The following SSBP4 variants were observed in gnomAD, a reference collection of about 807,000 sequenced individuals.
SSBP4 encodes single-stranded DNA-binding protein 4.
A neutral mutation model predicts 64.6 loss-of-function variants in SSBP4; 33 were observed. The observed-to-expected ratio is 0.51, with a 90% CI of 0.39 to 0.68. The LOEUF (loss-of-function observed/expected upper bound fraction) is 0.68, where lower values mean the gene tolerates loss of function less well. SSBP4 is among the 30% of genes least tolerant of loss of function. The pLI, the probability that SSBP4 is intolerant of heterozygous loss-of-function variation, is 0.00. For synonymous variants in SSBP4, 243 were observed against 224.0 expected, an observed-to-expected ratio of 1.08 and a Z score of -0.76; for missense variants, 583 against 566.8, an observed-to-expected ratio of 1.03 and a Z score of -0.29.
At chr19:18,430,071 G>A (rs961704089) in intron 4 of SSBP4, among the ~76,000 whole-genome samples, 1 of 152,172 alleles carries the variant, frequency 6.6e-6, no homozygotes, top group Non-Finnish European at 1.5e-5. Flanking sequence ...GGCTTGGGCC[G>A]ACCCCAGAGA....
chr19:18,416,762 C>T (rs1227018502), upstream of SSBP4, among the ~76,000 whole-genome samples: 1 of 152,180 alleles, frequency 6.6e-6, no homozygotes, highest in Non-Finnish European at 1.5e-5. Flanking sequence ...TCTTTCAAAT[C>T]CACCCCTCCT....
At position 18,428,231 on chromosome 19, in the gene SSBP4, G is replaced by A. The variant is rs764136675; in HGVS notation, c.279+249G>A. 3.5e-4 allele frequency among the ~76,000 whole-genome samples: 53 copies of A among 152,290 alleles called. 1 individual carries two copies. Among genetic ancestry groups the A allele is most frequent in the Non-Finnish European group, 2.9e-4 (20 of 68,002 alleles). Reference sequence around the variant, plus strand: ...CTCTTTCCACTGCACACACTTCTGAGGGTCCCCACAGCCCTCCCACCCCCA... The same window carrying A: ...CTCTTTCCACTGCACACACTTCTGAAGGTCCCCACAGCCCTCCCACCCCCA... On this transcript the variant is annotated intron_variant, in intron 4 of 17. Coordinates refer to ENST00000270061, the MANE Select transcript of SSBP4 (RefSeq NM_032627.5).
chr19:18,406,336 A>T, the SSBP4 span, among the ~76,000 whole-genome samples: 3 of 150,302 alleles, frequency 2.0e-5, no homozygotes, highest in Non-Finnish European at 4.4e-5. Context: ...TATTACTATT[A>T]TTATTATTAT....
chr19:18,432,612 T>A lies in SSBP4; in HGVS notation c.750+8T>A. 3 of 1,555,992 alleles carry A rather than the reference T, an allele frequency of 1.9e-6. No individual in the cohort carries two copies. Among genetic ancestry groups the A allele is most frequent in the Non-Finnish European group, 2.6e-6 (3 of 1,148,868 alleles). On this transcript the variant is annotated splice_region_variant and intron_variant, in intron 11 of 17. Coordinates refer to ENST00000270061, the MANE Select transcript of SSBP4 (RefSeq NM_032627.5). ...AGCCCCAGTGGAAACTCGGTGAGCC[T>A]ATGGCTGGGTGGGCAGGCTTGGGGT... is the stretch of plus-strand genomic sequence containing the variant.
At chr19:18,422,461 T>A (rs1287494214) in intron 1 of SSBP4, among the ~76,000 whole-genome samples, 1 of 152,118 alleles carries the variant, frequency 6.6e-6, no homozygotes, top group Admixed American at 6.5e-5. Context: ...GGGTCTCGTA[T>A]AAGTGTTGGT....
In SSBP4 at chr19:18,433,035, A is replaced by C. The variant is rs1973579894; in HGVS notation, c.904A>C (p.Arg302=). The C allele has an allele frequency of 6.2e-7, 1 of 1,614,002 alleles. No individual in the cohort carries two copies. Among genetic ancestry groups the C allele is most frequent in the Admixed American group, 1.7e-5 (1 of 60,006 alleles). ...GAACCCCATCGGGCAGGGCGCCGGC[A>C]GGGCTAATGTGAGTGGGGGCTTGCA... is the stretch of plus-strand genomic sequence containing the variant. The part of the protein sequence containing the change: ...IMNPIGQGAG[R]ANFPLGPGPE... Residue 302 remains arginine (R), a synonymous_variant, in exon 14 of 18, where the codon AGG becomes CGG. Transcript: ENST00000270061.
At chr19:18,419,008 T>A, upstream of SSBP4, 2 of 985,590 alleles carry the variant, frequency 2.0e-6, no homozygotes, top group Non-Finnish European at 2.4e-6. Context: ...ACACCCAATG[T>A]CACTGCCTGA....
intron 11 of SSBP4, 42 bp downstream of exon 11, chr19:18,432,646 AGGG>A: frequency 4.1e-6 from 2 of 493,400 alleles, no homozygotes; most frequent in East Asian, 5.2e-5. Flanking sequence ...GTGGGGTGGG[AGGG>A]ACACTGGGTG....
chr19:18,413,447 C>T, the SSBP4 span, among the ~76,000 whole-genome samples: 1 of 152,134 alleles, frequency 6.6e-6, no homozygotes, highest in Non-Finnish European at 1.5e-5. Context: ...CTCCTGACCT[C>T]AGGTGATCCA....
At chr19:18,414,572 G>A (rs1338690351), upstream of SSBP4, among the ~76,000 whole-genome samples, 1 of 152,206 alleles carries the variant, frequency 6.6e-6, no homozygotes, top group African/African-American at 2.4e-5. Flanking sequence ...CAGTTCCCAA[G>A]GGTTAGTATG....
Position 18,427,702 on chromosome 19 carries a change from G to C in SSBP4, c.133-50G>C. ...TTCTCTGGGCACCCTGCTGGGTGGT[G>C]GGGCAGGGTCAGGTAGGGCCACCCC... On this transcript the variant is annotated intron_variant, in intron 2 of 17. Coordinates refer to ENST00000270061, the MANE Select transcript of SSBP4 (RefSeq NM_032627.5). The surrounding 1 kb of genome is among the most constrained non-coding windows in gnomAD (Gnocchi z 4.4). 1.3e-6 allele frequency: 2 copies of C among 1,536,324 alleles called. No homozygotes were observed. Among genetic ancestry groups the C allele is most frequent in the South Asian group, 2.5e-5 (2 of 80,258 alleles).
the SSBP4 span, among the ~76,000 whole-genome samples, chr19:18,413,227 G>A: frequency 1.3e-5 from 2 of 151,426 alleles, no homozygotes; most frequent in Non-Finnish European, 2.9e-5. Flanking sequence ...AGGGTGGGAG[G>A]TTGTAGGTTC....
rs1337588574 is a variant in SSBP4 at position 18,427,333 on chromosome 19, G to T, written c.60-18G>T. On this transcript the variant is annotated intron_variant, in intron 1 of 17. Coordinates refer to ENST00000270061, the MANE Select transcript of SSBP4 (RefSeq NM_032627.5). The surrounding 1 kb of genome is among the most constrained non-coding windows in gnomAD (Gnocchi z 4.4). ...GCCTTGGAGAGTCTGAGCTCCCTGG[G>T]CCGCCTCGCCCCCACAGGTTGGCGC... The T allele has an allele frequency of 1.2e-6, 2 of 1,607,482 alleles. No homozygotes were observed. Among genetic ancestry groups the T allele is most frequent in the Non-Finnish European group, 1.7e-6 (2 of 1,179,600 alleles).
upstream of SSBP4, among the ~76,000 whole-genome samples, chr19:18,415,552 C>A (rs1321732192): frequency 2.0e-5 from 3 of 152,078 alleles, no homozygotes; most frequent in African/African-American, 7.2e-5. Context: ...CTTGCGGGGG[C>A]AGTGCCCAGG....
At chr19:18,430,002 C>T (rs1973214549) in intron 4 of SSBP4, among the ~76,000 whole-genome samples, 1 of 152,206 alleles carries the variant, frequency 6.6e-6, no homozygotes, top group Non-Finnish European at 1.5e-5. Flanking sequence ...AGTGCTCAAC[C>T]TCTCTGAGCC....
At position 18,427,834 on chromosome 19, in the gene SSBP4, G is replaced by T. The variant is rs1455171235; in HGVS notation, c.194+21G>T. 1.2e-6 allele frequency: 2 copies of T among 1,613,198 alleles called. No individual in the cohort carries two copies. The highest frequency in any genetic ancestry group is 1.7e-6 in the Non-Finnish European group (2 of 1,179,286). ...TGGTGGTACGGGCTGGGCTGCTGTG[G>T]GTGGGCTGTGGAAGGGGGTTGAGGG... On this transcript the variant is annotated intron_variant, in intron 3 of 17. Transcript: ENST00000270061. The surrounding 1 kb of genome is among the most constrained non-coding windows in gnomAD (Gnocchi z 4.4).
At chr19:18,413,313 A>G in the SSBP4 span, among the ~76,000 whole-genome samples, 2 of 151,936 alleles carry the variant, frequency 1.3e-5, no homozygotes, top group Non-Finnish European at 2.9e-5. Context: ...GGTTCAAGAG[A>G]TTGTCCTGCC....
chr19:18,429,054 G>A (rs1348360006), intron 4 of SSBP4, among the ~76,000 whole-genome samples: 4 of 152,204 alleles, frequency 2.6e-5, no homozygotes, highest in Non-Finnish European at 4.4e-5. Flanking sequence ...CCATGGCAGC[G>A]CCGGCGCAGA....
In SSBP4 at chr19:18,433,557, C is replaced by T. The variant is rs1315061666; in HGVS notation, c.992-28C>T. On this transcript the variant is annotated intron_variant, in intron 15 of 17. Coordinates refer to ENST00000270061, the MANE Select transcript of SSBP4 (RefSeq NM_032627.5). ...GGGCATGGCGCCAGCACGTCTGAGC[C>T]GGTGCCCGTGTCTGTCCGTGTCTGT... 4.5e-6 allele frequency: 7 copies of T among 1,540,320 alleles called. No homozygotes were observed. In the African/African-American group the frequency reaches 5.6e-5, roughly 12 times the overall value.
Sources: gnomAD v4.1 joint callset for allele counts (sites outside exome capture counted in the v4.1 genomes callset) on GRCh38, gnomAD v4.1.1 for gene constraint, Gnocchi (gnomAD v3.1) non-coding constraint, MANE v1.5 for transcripts, NCBI Gene and HGNC (gene_info 2026-07-23, HGNC 2026-07-21) for gene names.